The following RUNDC3B variants were observed in gnomAD, a reference collection of about 807,000 sequenced individuals.
RUNDC3B encodes RUN domain containing 3B, also known as RUN domain-containing protein 3B.
A neutral mutation model predicts 58.4 loss-of-function variants in RUNDC3B; 33 were observed. That is an observed-to-expected ratio of 0.56 (90% CI 0.43 to 0.75). The LOEUF is 0.75. Among genes scored for constraint, RUNDC3B ranks in the 30% least tolerant of loss-of-function variants. The pLI is 0.00. For synonymous variants in RUNDC3B, 193 were observed against 195.2 expected, an observed-to-expected ratio of 0.99 and a Z score of 0.10; for missense variants, 501 against 535.7, an observed-to-expected ratio of 0.94 and a Z score of 0.64.
chr7:87,676,703 CAAAAAAAAA>C (rs57480483), intron 2 of RUNDC3B, among the ~76,000 whole-genome samples: 10 of 45,432 alleles, frequency 2.2e-4, no homozygotes, highest in African/African-American at 4.7e-4. Flanking sequence ...GACCCTGTCT[CAAAAAAAAA>C]AAAAAAAAAA....
intron 10 of RUNDC3B, among the ~76,000 whole-genome samples, chr7:87,829,225 A>G (rs911924820): frequency 3.3e-5 from 5 of 152,126 alleles, no homozygotes; most frequent in African/African-American, 1.2e-4. Context: ...CATTTGTTGG[A>G]TGCAGAGTTT....
chr7:87,794,439 C>A (rs1428241760), intron 8 of RUNDC3B, among the ~76,000 whole-genome samples: 2 of 151,684 alleles, frequency 1.3e-5, no homozygotes, highest in Non-Finnish European at 2.9e-5. Flanking sequence ...GTCTAAAAAA[C>A]AAAACAGAAC....
chr7:87,639,598 G>T lies in RUNDC3B; in HGVS notation c.122+10653G>T, dbSNP rs183636091. The stretch of plus-strand genomic sequence containing the variant: ...AGTTTTATGGAGATTTAGAATTGTG[G>T]TCTCTTCCTAGTAGTTTGATTCATT... On this transcript the variant is annotated intron_variant, in intron 1 of 10. Transcript: ENST00000394654. Among the ~76,000 whole-genome samples, 24 of 152,122 alleles carry T rather than the reference G, an allele frequency of 1.6e-4. No individual in the cohort carries two copies. The East Asian group carries it at 4.0e-3, about 26-fold the overall frequency.
intron 8 of RUNDC3B, among the ~76,000 whole-genome samples, chr7:87,790,704 A>G (rs1057502682): frequency 2.6e-5 from 4 of 152,124 alleles, no homozygotes; most frequent in Non-Finnish European, 5.9e-5. Flanking sequence ...ATACTGAAGA[A>G]TGCATCAGAG....
chr7:87,813,905 C>G (rs1323146307), intron 9 of RUNDC3B, among the ~76,000 whole-genome samples: 1 of 151,196 alleles, frequency 6.6e-6, no homozygotes, highest in African/African-American at 2.4e-5. Flanking sequence ...GGCATGAACC[C>G]AGCAGGCGGA....
rs370846240 is a variant in RUNDC3B, at chr7:87,664,890, C to T, written c.238+13953C>T. On this transcript the variant is annotated intron_variant, in intron 2 of 10. Transcript: ENST00000394654. ...TCAAGAAGCTTAGCAAAGCATTTCA[C>T]AAAATTTAACATCCTTTCTTAATAA... is the stretch of plus-strand genomic sequence containing the variant. Among the ~76,000 whole-genome samples, 3 of 152,068 alleles carry T rather than the reference C, an allele frequency of 2.0e-5. No homozygotes were observed. The South Asian group carries it at 6.2e-4, about 32-fold the overall frequency.
intron 2 of RUNDC3B, among the ~76,000 whole-genome samples, chr7:87,662,639 T>G (rs1425583091): frequency 6.6e-6 from 1 of 152,158 alleles, no homozygotes; most frequent in Admixed American, 6.6e-5. Flanking sequence ...AGTACCATGG[T>G]GTTTTGATTA....
Position 87,772,480 on chromosome 7 carries a change from T to C in RUNDC3B, c.798+1731T>C, listed in dbSNP as rs546349217. On this transcript the variant is annotated intron_variant, in intron 7 of 10. Coordinates refer to ENST00000394654, the MANE Select transcript of RUNDC3B (RefSeq NM_001134405.2). ...TAATAGTTAAAATATGATGAAATAATTAGAAAGTGATGAATTTTGACTAGT... is the reference window on the plus strand; with the variant it reads ...TAATAGTTAAAATATGATGAAATAACTAGAAAGTGATGAATTTTGACTAGT... 9.8e-5 allele frequency among the ~76,000 whole-genome samples: 15 copies of C among 152,302 alleles called. 1 individual carries two copies. The South Asian group carries it at 3.1e-3, about 32-fold the overall frequency.
intron 6 of RUNDC3B, among the ~76,000 whole-genome samples, chr7:87,753,232 T>G (rs1275550245): frequency 1.3e-5 from 2 of 151,286 alleles, no homozygotes; most frequent in East Asian, 3.9e-4. Context: ...CACTGTGGTC[T>G]GAGAGATAGT....
At chr7:87,819,458 A>G (rs557436989) in intron 10 of RUNDC3B, among the ~76,000 whole-genome samples, 5 of 152,178 alleles carry the variant, frequency 3.3e-5, no homozygotes, top group African/African-American at 1.2e-4. Context: ...ACACCCCACT[A>G]TCAACATTAG....
intron 2 of RUNDC3B, among the ~76,000 whole-genome samples, chr7:87,671,974 G>A (rs1825865485): frequency 6.6e-6 from 1 of 152,096 alleles, no homozygotes; most frequent in Admixed American, 6.5e-5. Context: ...AGTGGGACTG[G>A]GGACCCACTT....
At chr7:87,670,144 C>T (rs1487873357) in intron 2 of RUNDC3B, among the ~76,000 whole-genome samples, 1 of 152,136 alleles carries the variant, frequency 6.6e-6, no homozygotes, top group Non-Finnish European at 1.5e-5. Flanking sequence ...TGATCCAATA[C>T]TTCTCACAGG....
chr7:87,700,082 G>T (rs950776253), intron 2 of RUNDC3B, among the ~76,000 whole-genome samples: 1 of 151,996 alleles, frequency 6.6e-6, no homozygotes, highest in African/African-American at 2.4e-5. Flanking sequence ...AGAAGCGCAG[G>T]AAGGTTCCCG....
intron 6 of RUNDC3B, among the ~76,000 whole-genome samples, chr7:87,749,968 G>A (rs1476872323): frequency 1.3e-5 from 2 of 151,802 alleles, no homozygotes; most frequent in African/African-American, 4.8e-5. Flanking sequence ...ATGCTGGTGT[G>A]CTGCACCCAC....
In RUNDC3B at chr7:87,832,246, C is replaced by T. The variant is rs1838163540; in HGVS notation, c.*2216C>T. The T allele has an allele frequency of 6.6e-6, 1 of 151,868 alleles. No homozygotes were observed. The allele number at this position is 151,868 out of a possible 1,614,324, so 9.4% of individuals were successfully genotyped here. On this transcript the variant is annotated 3_prime_UTR_variant, in exon 11 of 11. Coordinates refer to ENST00000394654, the MANE Select transcript of RUNDC3B (RefSeq NM_001134405.2). ...CAATATTTCCATGTGTATTCTGTTG[C>T]CTTGATGCGTACTATACTTGTTGCA...
At chr7:87,742,452 G>A (rs1044782647) in intron 6 of RUNDC3B, among the ~76,000 whole-genome samples, 1 of 152,184 alleles carries the variant, frequency 6.6e-6, no homozygotes, top group South Asian at 2.1e-4. Flanking sequence ...GAGAATATAC[G>A]ATGTTTGGTT....
At chr7:87,739,714 G>A (rs1360241276) in intron 4 of RUNDC3B, 77 bp from the exon 5 acceptor site, 7 of 609,044 alleles carry the variant, frequency 1.1e-5, no homozygotes, top group Non-Finnish European at 2.0e-5. Context: ...ACAATAGTTT[G>A]GGCTCTAAAT....
At chr7:87,702,514 G>A (rs191649210) in intron 3 of RUNDC3B, among the ~76,000 whole-genome samples, 100 of 152,068 alleles carry the variant, frequency 6.6e-4, no homozygotes, top group Admixed American at 1.7e-3. Flanking sequence ...TCCTGGCTTC[G>A]AGCAGTCTTT....
rs746291158 is a variant in RUNDC3B, at chr7:87,777,886, A to T, written c.887A>T (p.Asp296Val). ...AAAATACTACTTCAAAGGATTGAAGATTCCGATCTGGCTCATAAACTGGAG... is the reference window on the plus strand; with the variant it reads ...AAAATACTACTTCAAAGGATTGAAGTTTCCGATCTGGCTCATAAACTGGAG... ...QNKILLQRIE[D>V]SDLAHKLEKE... The change falls in exon 8 of 11, where the codon GAT (aspartate) becomes GTT (valine). Residue 296 changes from aspartate (D) to valine (V), a missense_variant. Transcript: ENST00000394654. 1 of 1,613,480 alleles carries T rather than the reference A, an allele frequency of 6.2e-7. No homozygotes were observed. Among genetic ancestry groups the T allele is most frequent in the Non-Finnish European group, 8.5e-7 (1 of 1,179,488 alleles).
Sources: allele counts gnomAD v4.1 joint callset (sites outside exome capture counted in the v4.1 genomes callset), GRCh38; gene constraint gnomAD v4.1.1; transcripts MANE v1.5; gene names NCBI Gene and HGNC (gene_info 2026-07-23, HGNC 2026-07-21).